TSPAN4: variants seen among roughly 807,000 people sequenced by gnomAD.
TSPAN4 encodes tetraspanin 4.
TSPAN4 carries 38 observed loss-of-function variants against 31.5 expected under a neutral mutation model. The observed-to-expected ratio is 1.21, with a 90% confidence interval of 0.93 to 1.58. The LOEUF is 1.58. Among genes scored for constraint, TSPAN4 ranks in the 40% most tolerant of loss-of-function variants. The pLI, the probability that TSPAN4 is intolerant of heterozygous loss-of-function variation, is 0.00. For synonymous variants in TSPAN4, 186 were observed against 144.6 expected, an observed-to-expected ratio of 1.29 and a Z score of -2.06; for missense variants, 330 against 317.3, an observed-to-expected ratio of 1.04 and a Z score of -0.30.
At chr11:861,814 G>A (rs4963143) in intron 3 of TSPAN4, among the ~76,000 whole-genome samples, 67,006 of 151,790 alleles carry the variant, frequency 0.44, 15,473 homozygotes, top group Admixed American at 0.52. Flanking sequence ...CAGCTACTTG[G>A]GAGGCTGAGG....
chr11:862,394 C>CA (rs1312868448), intron 3 of TSPAN4, 156 bp from the exon 4 acceptor site: 2 of 657,088 alleles, frequency 3.0e-6, no homozygotes, highest in African/African-American at 3.7e-5. Context: ...TGGACACCCC[C>CA]CCGGGCTGCC....
chr11:866,799 A>T lies in TSPAN4; in HGVS notation c.*169A>T. 4.5e-6 allele frequency: 3 copies of T among 672,624 alleles called. No individual in the cohort carries two copies. The highest frequency in any genetic ancestry group is 7.1e-6 in the Non-Finnish European group (3 of 419,676). The allele number at this position is 672,624 out of a possible 1,614,324, so 41.7% of individuals were successfully genotyped here. On this transcript the variant is annotated 3_prime_UTR_variant, in exon 9 of 9. Coordinates refer to ENST00000397397, the MANE Select transcript of TSPAN4 (RefSeq NM_003271.5). ...CCCTGTTTCTGGAAGGCCCTAGCTC[A>T]GGTGGCTTCAGGGCCTCCGGACCCC... is the stretch of plus-strand genomic sequence containing the variant.
At chr11:849,251 C>T (rs1214976249) in intron 2 of TSPAN4, among the ~76,000 whole-genome samples, 13 of 152,260 alleles carry the variant, frequency 8.5e-5, no homozygotes. Context: ...ATCACACCTG[C>T]GCTTTTCTGT....
Position 865,989 on chromosome 11 carries a change from G to A in TSPAN4, c.636G>A (p.Thr212=), listed in dbSNP as rs138229481. 6.7e-4 allele frequency: 1,086 copies of A among 1,612,088 alleles called. 2 individuals are homozygous for A. Among genetic ancestry groups the A allele is most frequent in the Non-Finnish European group, 8.2e-4 (970 of 1,179,960 alleles). ...LLAVGIFGLC[T]ALVQILGLTF... ...CTGTGGGCATCTTTGGGCTGTGCAC[G>A]GCGCTGGTGCAGGTATGGCCTGGGG... is the stretch of plus-strand genomic sequence containing the variant. The change falls in exon 8 of 9, where the codon ACG becomes ACA. Residue 212 remains threonine, a synonymous_variant. Coordinates refer to ENST00000397397, the MANE Select transcript of TSPAN4 (RefSeq NM_003271.5).
At chr11:851,524 G>T (rs114258370) in intron 3 of TSPAN4, among the ~76,000 whole-genome samples, 1,910 of 152,292 alleles carry the variant, frequency 0.013, 38 homozygotes, top group African/African-American at 0.043. Context: ...AGGCAGGGGG[G>T]TCCCTGGGAG....
chr11:846,675 T>C (rs1847339374), intron 1 of TSPAN4, among the ~76,000 whole-genome samples: 1 of 152,108 alleles, frequency 6.6e-6, no homozygotes, highest in Non-Finnish European at 1.5e-5. Flanking sequence ...TGCTGGCAGC[T>C]CCATAGGGAG....
Position 848,687 on chromosome 11 carries a change from TCC to T in TSPAN4, c.-18+1388_-18+1389del, listed in dbSNP as rs1282439391. ...TCCCTTAGCTTCCTCTCCCTCCTCT[TCC>T]TCCTGCCCTTCCTCATTCCCCACCT... On this transcript the variant is annotated intron_variant, in intron 2 of 8. Transcript: ENST00000397397. The surrounding 1 kb of genome is among the most constrained non-coding windows in gnomAD (Gnocchi z 5.7). The T allele has an allele frequency of 4.0e-6, 2 of 504,212 alleles. No individual in the cohort carries two copies. The highest frequency in any genetic ancestry group is 7.0e-6 in the Non-Finnish European group (2 of 283,950). The allele number at this position is 504,212 out of a possible 1,614,324, so 31.2% of individuals were successfully genotyped here. A position where few individuals can be genotyped will look rare whatever the true frequency, so the allele number is the denominator to read the frequency against.
intron 2 of TSPAN4, among the ~76,000 whole-genome samples, chr11:849,272 C>T (rs1338041509): frequency 6.6e-6 from 1 of 152,166 alleles, no homozygotes; most frequent in Admixed American, 6.5e-5. Flanking sequence ...GTTCTGGAAC[C>T]TCCCATATAG....
intron 1 of TSPAN4, chr11:843,654 T>G (rs1847105847): frequency 6.8e-6 from 1 of 147,064 alleles, no homozygotes; most frequent in African/African-American, 2.5e-5. Context: ...CTTCTTGCTG[T>G]GCCCCTGGGG....
chr11:853,697 A>G (rs1847882887), intron 3 of TSPAN4, among the ~76,000 whole-genome samples: 1 of 152,146 alleles, frequency 6.6e-6, no homozygotes, highest in African/African-American at 2.4e-5. Flanking sequence ...CACTGGTGCC[A>G]ACTCCTAACC....
intron 3 of TSPAN4, chr11:857,976 T>A (rs1456249137): frequency 6.6e-6 from 1 of 152,264 alleles, no homozygotes; most frequent in Non-Finnish European, 1.5e-5. Flanking sequence ...TGTCAGGCCG[T>A]TTGTGGGTCC....
intron 4 of TSPAN4, chr11:863,506 CT>C (rs1252012194): frequency 6.6e-6 from 1 of 152,310 alleles, no homozygotes; most frequent in African/African-American, 2.4e-5. Flanking sequence ...ATCAGCCTCC[CT>C]GGCATCAGGT....
intron 3 of TSPAN4, among the ~76,000 whole-genome samples, chr11:852,166 C>A (rs934538134): frequency 7.9e-5 from 12 of 152,128 alleles, no homozygotes; most frequent in African/African-American, 2.7e-4. Context: ...CTTGCTCTGT[C>A]GCCTGGAGTG....
intron 3 of TSPAN4, among the ~76,000 whole-genome samples, chr11:856,558 G>T (rs1041098844): frequency 2.0e-5 from 3 of 152,244 alleles, no homozygotes; most frequent in Non-Finnish European, 4.4e-5. Flanking sequence ...CTGGCCTGCG[G>T]CGGGGCAGCA....
At chr11:852,679 G>T (rs561845795) in intron 3 of TSPAN4, among the ~76,000 whole-genome samples, 1 of 152,222 alleles carries the variant, frequency 6.6e-6, no homozygotes, top group Admixed American at 6.5e-5. Flanking sequence ...CAGGCCTAGC[G>T]CTCCCCTTCC....
Position 866,007 on chromosome 11 carries a change from G to A in TSPAN4, c.648+6G>A, listed in dbSNP as rs765921623. ...TGTGCACGGCGCTGGTGCAGGTATG[G>A]CCTGGGGGCCTGCGGGCTCCCTGCC... On this transcript the variant is annotated splice_donor_region_variant and intron_variant, in intron 8 of 8. Transcript: ENST00000397397. 16 of 1,611,478 alleles carry A rather than the reference G, an allele frequency of 9.9e-6. No individual in the cohort carries two copies. The highest frequency in any genetic ancestry group is 1.4e-5 in the Non-Finnish European group (16 of 1,179,814).
intron 3 of TSPAN4, among the ~76,000 whole-genome samples, chr11:856,261 CT>C (rs895637828): frequency 1.3e-5 from 2 of 152,226 alleles, no homozygotes; most frequent in African/African-American, 2.4e-5. Context: ...TCAGTTGCTG[CT>C]GAAGATCAGG....
chr11:850,092 C>G, intron 2 of TSPAN4, 196 bp from the exon 3 acceptor site: 1 of 451,256 alleles, frequency 2.2e-6, no homozygotes, highest in Non-Finnish European at 3.9e-6. Flanking sequence ...GGGCAAGGAG[C>G]CGGACTTCGC....
chr11:857,927 C>T (rs1848153116), intron 3 of TSPAN4: 1 of 152,286 alleles, frequency 6.6e-6, no homozygotes, highest in Admixed American at 6.5e-5. Flanking sequence ...GGACCCAGGG[C>T]CATATCCCTT....
Sources: gnomAD v4.1 joint callset for allele counts (sites outside exome capture counted in the v4.1 genomes callset) on GRCh38, gnomAD v4.1.1 for gene constraint, Gnocchi (gnomAD v3.1) non-coding constraint, MANE v1.5 for transcripts, NCBI Gene and HGNC (gene_info 2026-07-23, HGNC 2026-07-21) for gene names.